ENAH: variants seen among roughly 807,000 people sequenced by gnomAD.
ENAH encodes protein enabled homolog.
ENAH carries 23 observed loss-of-function variants against 78.7 expected under a neutral mutation model. The observed-to-expected ratio is 0.29, with a 90% CI of 0.21 to 0.41. The LOEUF is 0.41. Ranked by LOEUF, ENAH falls within the 10% of genes least tolerant of loss-of-function variation. The probability of loss-of-function intolerance (pLI) is 1.00; values close to 1 mark genes in which losing one functional copy is unlikely to be tolerated. For synonymous variants in ENAH, 226 were observed against 241.0 expected (o/e 0.94, Z 0.58); for missense variants, 544 against 691.0 (o/e 0.79, Z 2.39).
intron 1 of ENAH, among the ~76,000 whole-genome samples, chr1:225,575,877 T>C (rs2096785297): frequency 1.3e-5 from 2 of 152,240 alleles, no homozygotes; most frequent in South Asian, 4.1e-4. Context: ...AAAGTAAACA[T>C]CTGTAAACTT....
chr1:225,528,812 T>C (rs1405686502), intron 4 of ENAH, among the ~76,000 whole-genome samples: 4 of 152,134 alleles, frequency 2.6e-5, no homozygotes, highest in African/African-American at 9.7e-5. Flanking sequence ...AAATTCATTT[T>C]TGACATCCCC....
At position 225,626,935 on chromosome 1, in the gene ENAH, G is replaced by A. The variant is rs535180894; in HGVS notation, c.5+25751C>T. Among the ~76,000 whole-genome samples the A allele has an allele frequency of 5.3e-5, 8 of 152,280 alleles. No individual in the cohort carries two copies. In the East Asian group the frequency reaches 1.5e-3, roughly 29 times the overall value. ...CAGCTGACATATGAGACACTAAACT[G>A]AGAAAGAGGAATGGTATTTCACGAC... On this transcript the variant is annotated intron_variant, in intron 1 of 13. Transcript: ENST00000366843.
In ENAH at chr1:225,535,840, C is replaced by T. The variant is rs558168272; in HGVS notation, c.350-5202G>A. Among the ~76,000 whole-genome samples the T allele has an allele frequency of 1.1e-4, 16 of 151,360 alleles. No homozygotes were observed. In the East Asian group the frequency reaches 1.9e-3, roughly 18 times the overall value. On this transcript the variant is annotated intron_variant, in intron 3 of 13. Transcript: ENST00000366843. ...TAACTTAGTTATTTCCTAAGTTATA[C>T]GGTCAAAGAGTGCAACCAGCATTTT...
intron 1 of ENAH, among the ~76,000 whole-genome samples, chr1:225,607,559 AGCC>A (rs2096963247): frequency 6.6e-6 from 1 of 150,780 alleles, no homozygotes; most frequent in Non-Finnish European, 1.5e-5. Flanking sequence ...CTAGATACGG[AGCC>A]ATTCATCGAA....
intron 1 of ENAH, among the ~76,000 whole-genome samples, chr1:225,641,235 A>T (rs1261331303): frequency 6.6e-6 from 1 of 152,066 alleles, no homozygotes; most frequent in Non-Finnish European, 1.5e-5. Context: ...AACGATAAAA[A>T]AGAAAGCTAA....
At chr1:225,505,129 T>C (rs1263936544) in intron 11 of ENAH, 11 of 1,155,658 alleles carry the variant, frequency 9.5e-6, no homozygotes, top group Non-Finnish European at 1.4e-5. Context: ...TACTGTTTTA[T>C]AGGTTGTTAA....
At chr1:225,573,663 G>A (rs968648615) in intron 1 of ENAH, among the ~76,000 whole-genome samples, 1 of 152,214 alleles carries the variant, frequency 6.6e-6, no homozygotes, top group Non-Finnish European at 1.5e-5. Flanking sequence ...CACTGGGGAT[G>A]TATGTTGCAA....
intron 1 of ENAH, among the ~76,000 whole-genome samples, chr1:225,623,319 G>A (rs1274208342): frequency 6.6e-6 from 1 of 152,022 alleles, no homozygotes; most frequent in African/African-American, 2.4e-5. Context: ...TTAGATTACA[G>A]GCTATCTCAT....
At chr1:225,528,630 C>A (rs1008698509) in intron 4 of ENAH, among the ~76,000 whole-genome samples, 13 of 152,024 alleles carry the variant, frequency 8.6e-5, no homozygotes, top group African/African-American at 3.1e-4. Flanking sequence ...AAACCCATGA[C>A]CAAGTAGAAA....
intron 2 of ENAH, 121 bp downstream of exon 2, chr1:225,567,128 C>CA: frequency 9.2e-7 from 1 of 1,087,824 alleles, no homozygotes; most frequent in African/African-American, 1.6e-5. Flanking sequence ...ATTTTATATT[C>CA]AGTTTTTCCC....
chr1:225,507,575 G>A (rs1162702475), intron 11 of ENAH, among the ~76,000 whole-genome samples: 1 of 152,080 alleles, frequency 6.6e-6, no homozygotes, highest in Non-Finnish European at 1.5e-5. Context: ...GTGTGGATAG[G>A]TAGATATTTA....
chr1:225,570,864 G>A (rs1363567116), intron 1 of ENAH, among the ~76,000 whole-genome samples: 1 of 152,094 alleles, frequency 6.6e-6, no homozygotes, highest in African/African-American at 2.4e-5. Context: ...TCGGGAGGCT[G>A]AGGTAGGAGA....
intron 1 of ENAH, among the ~76,000 whole-genome samples, chr1:225,574,093 A>G (rs2096776262): frequency 6.6e-6 from 1 of 152,220 alleles, no homozygotes; most frequent in African/African-American, 2.4e-5. Context: ...AAGAAATAAC[A>G]CTAAAAACTT....
chr1:225,581,189 T>TATC (rs763414270), intron 1 of ENAH: 1 of 757,906 alleles, frequency 1.3e-6, no homozygotes, highest in Non-Finnish European at 1.6e-6. Flanking sequence ...CATACTTCCC[T>TATC]ATCTTAATAA....
chr1:225,489,396 T>C lies in ENAH; in HGVS notation c.*8379A>G, dbSNP rs558600807. 6.6e-6 allele frequency: 1 copy of C among 152,318 alleles called. No homozygotes were observed. The highest frequency in any genetic ancestry group is 2.1e-4 in the South Asian group (1 of 4,818). The allele number at this position is 152,318 out of a possible 1,614,324, so 9.4% of individuals were successfully genotyped here. ...AGAACAGCACACCACTGGTGCTTTA[T>C]GCAACACCACTGACCCCAAGATGGT... On this transcript the variant is annotated 3_prime_UTR_variant, in exon 14 of 14. Transcript: ENST00000366843.
intron 1 of ENAH, among the ~76,000 whole-genome samples, chr1:225,575,290 C>A (rs1260038319): frequency 6.6e-6 from 1 of 152,182 alleles, no homozygotes; most frequent in Non-Finnish European, 1.5e-5. Context: ...AATCTCCTTA[C>A]CTGTATCTCT....
intron 1 of ENAH, among the ~76,000 whole-genome samples, chr1:225,571,763 C>A (rs574021756): frequency 3.2e-4 from 49 of 152,212 alleles, no homozygotes; most frequent in Middle Eastern, 3.4e-3. Context: ...ATGAAACTTC[C>A]ATAAAAACCC....
intron 12 of ENAH, among the ~76,000 whole-genome samples, chr1:225,499,116 TA>T (rs2151028408): frequency 6.6e-6 from 1 of 152,342 alleles, no homozygotes; most frequent in African/African-American, 2.4e-5. Context: ...TAGTAATTTA[TA>T]AAAATTGACT....
chr1:225,552,784 A>G (rs1370314320), intron 3 of ENAH, among the ~76,000 whole-genome samples: 1 of 152,124 alleles, frequency 6.6e-6, no homozygotes, highest in East Asian at 1.9e-4. Flanking sequence ...TTTTTCCCAC[A>G]CTAAAATGCT....
Sources: gnomAD v4.1 joint callset for allele counts (sites outside exome capture counted in the v4.1 genomes callset) on GRCh38, gnomAD v4.1.1 for gene constraint, MANE v1.5 for transcripts, NCBI Gene and HGNC (gene_info 2026-07-23, HGNC 2026-07-21) for gene names.